The following RUNX1T1 variants were observed in gnomAD, a reference collection of about 807,000 sequenced individuals.
RUNX1T1 encodes the protein protein CBFA2T1.
In RUNX1T1, 4 loss-of-function variants were observed where a neutral mutation model predicts 62.8. The ratio of observed to expected loss-of-function variants is 0.06; its 90% CI spans 0.03 to 0.15. RUNX1T1 has a LOEUF of 0.15. RUNX1T1 is among the 10% of genes least tolerant of loss of function. The probability of loss-of-function intolerance (pLI) is 1.00; values close to 1 mark genes in which losing one functional copy is unlikely to be tolerated. For missense variants in RUNX1T1, 508 were observed against 754.3 expected, an observed-to-expected ratio of 0.67 and a Z score of 3.82; for synonymous variants, 291 against 286.0, an observed-to-expected ratio of 1.02 and a Z score of -0.18.
At chr8:91,977,889 G>C (rs953433061) in intron 8 of RUNX1T1, among the ~76,000 whole-genome samples, 6 of 152,134 alleles carry the variant, frequency 3.9e-5, no homozygotes, top group Admixed American at 2.6e-4. Flanking sequence ...CCCAGGTCAA[G>C]AGAATCTCCT....
chr8:92,063,040 C>T (rs1041915790), upstream of RUNX1T1: 7 of 882,204 alleles, frequency 7.9e-6, no homozygotes, highest in South Asian at 1.5e-4. Flanking sequence ...CCCTACCACC[C>T]CTCACAATAA....
At chr8:91,996,994 G>A (rs546224004) in intron 5 of RUNX1T1, among the ~76,000 whole-genome samples, 2 of 151,828 alleles carry the variant, frequency 1.3e-5, no homozygotes, top group South Asian at 2.1e-4. Flanking sequence ...AGGCATGGTG[G>A]AGCATGCCTG....
chr8:92,015,652 G>A (rs545242815), intron 2 of RUNX1T1, among the ~76,000 whole-genome samples: 7 of 152,164 alleles, frequency 4.6e-5, no homozygotes, highest in East Asian at 3.9e-4. Context: ...AATCTGCATC[G>A]TTTGCATTAA....
At chr8:92,036,678 T>C (rs1423898462) in intron 1 of RUNX1T1, among the ~76,000 whole-genome samples, 1 of 152,184 alleles carries the variant, frequency 6.6e-6, no homozygotes. Context: ...CTTTATCTCC[T>C]TTTTTCTAAA....
chr8:92,069,128 T>C (rs1833302247), intron 2 of RUNX1T1, among the ~76,000 whole-genome samples: 1 of 147,020 alleles, frequency 6.8e-6, no homozygotes, highest in Non-Finnish European at 1.5e-5. Flanking sequence ...CAATATTTAT[T>C]CCCTATTTTT....
chr8:91,982,648 TAG>T lies in RUNX1T1; in HGVS notation c.1198+3474_1198+3475del, dbSNP rs1815592463. Among the ~76,000 whole-genome samples, 4 of 152,302 alleles carry T rather than the reference TAG, an allele frequency of 2.6e-5. No homozygotes were observed. In the South Asian group the frequency reaches 8.3e-4, roughly 32 times the overall value. ...GTATAAATAAGTCATACTTTGAAAA[TAG>T]AGACAGCAGTGTTAAAATTTGCTTT... On this transcript the variant is annotated intron_variant, in intron 8 of 10. Transcript: ENST00000396218.
chr8:92,081,334 G>A (rs1835226537), intron 1 of RUNX1T1: 2 of 652,714 alleles, frequency 3.1e-6, no homozygotes, highest in Admixed American at 6.3e-5. Flanking sequence ...AATTAAATAT[G>A]AAATAAATGA....
exon 6 of RUNX1T1, chr8:91,991,663 G>A (rs1182606866): frequency 6.2e-7 from 1 of 1,614,026 alleles, no homozygotes; most frequent in African/African-American, 1.3e-5. Context: ...CTGTCCCTGA[G>A]GTCCCTGTGG....
intron 1 of RUNX1T1, among the ~76,000 whole-genome samples, chr8:92,020,817 C>T (rs1373192730): frequency 6.7e-6 from 1 of 148,888 alleles, no homozygotes; most frequent in Non-Finnish European, 1.5e-5. Context: ...TGGTATGTTT[C>T]CCATTTCCTT....
In RUNX1T1 at chr8:91,959,422, G is replaced by C. The variant is rs1322866078; in HGVS notation, c.*820C>G. 3.0e-3 allele frequency: 268 copies of C among 88,242 alleles called. 16 individuals carry two copies. Among genetic ancestry groups the C allele is most frequent in the African/African-American group, 0.021 (247 of 11,550 alleles). 5.5% of individuals were successfully genotyped at this position (88,242 alleles called of 1,614,324 possible). A position where few individuals can be genotyped will look rare whatever the true frequency, so the allele number is the denominator to read the frequency against. ...GGCTGAGTCTCTTACTTGTGTGTGT[G>C]TGTGTGTGTGTGTGTGTGTGTGTGT... On this transcript the variant is annotated 3_prime_UTR_variant, in exon 11 of 11. Coordinates refer to ENST00000396218, the Ensembl canonical transcript of RUNX1T1.
At chr8:92,046,878 A>G (rs1178468204) in intron 1 of RUNX1T1, among the ~76,000 whole-genome samples, 1 of 152,190 alleles carries the variant, frequency 6.6e-6, no homozygotes, top group African/African-American at 2.4e-5. Flanking sequence ...AGAAAACACA[A>G]ATTGGATTGG....
At chr8:92,029,959 C>G (rs368160008) in intron 1 of RUNX1T1, among the ~76,000 whole-genome samples, 7 of 152,180 alleles carry the variant, frequency 4.6e-5, no homozygotes, top group African/African-American at 1.7e-4. Context: ...CCGATCAAGT[C>G]ATTCCCCTAT....
At chr8:92,033,417 A>G (rs376987773) in intron 1 of RUNX1T1, among the ~76,000 whole-genome samples, 1 of 152,262 alleles carries the variant, frequency 6.6e-6, no homozygotes, top group East Asian at 1.9e-4. Context: ...AAGGGTACGT[A>G]TAATAATGAT....
chr8:92,043,044 TCC>T (rs1180737146), intron 1 of RUNX1T1, among the ~76,000 whole-genome samples: 1 of 152,174 alleles, frequency 6.6e-6, no homozygotes, highest in African/African-American at 2.4e-5. Context: ...CCTCAGTCTC[TCC>T]TATTTCTCAT....
intron 1 of RUNX1T1, among the ~76,000 whole-genome samples, chr8:92,020,508 A>G (rs1823870927): frequency 6.6e-6 from 1 of 152,096 alleles, no homozygotes; most frequent in Non-Finnish European, 1.5e-5. Context: ...TCTGACATAT[A>G]CTCAAAGACT....
chr8:92,091,824 A>G (rs1378869840), intron 1 of RUNX1T1, among the ~76,000 whole-genome samples: 1 of 152,210 alleles, frequency 6.6e-6, no homozygotes, highest in Non-Finnish European at 1.5e-5. Flanking sequence ...TGTAATCGCA[A>G]ATACTCACAT....
At chr8:92,082,955 G>A (rs1220344922) in intron 1 of RUNX1T1, among the ~76,000 whole-genome samples, 3 of 152,090 alleles carry the variant, frequency 2.0e-5, no homozygotes, top group Non-Finnish European at 4.4e-5. Flanking sequence ...GACAACTGGA[G>A]GGAATCTGGT....
intron 5 of RUNX1T1, among the ~76,000 whole-genome samples, chr8:91,996,908 G>C (rs1276475281): frequency 6.6e-6 from 1 of 151,632 alleles, no homozygotes; most frequent in East Asian, 1.9e-4. Flanking sequence ...GATCACTTGA[G>C]GTCAGGAGCT....
chr8:91,987,659 G>A (rs548875334), intron 6 of RUNX1T1, among the ~76,000 whole-genome samples: 1 of 152,220 alleles, frequency 6.6e-6, no homozygotes, highest in African/African-American at 2.4e-5. Flanking sequence ...CTAATTTGAA[G>A]TCCATGAAAA....
Sources: allele counts gnomAD v4.1 joint callset (sites outside exome capture counted in the v4.1 genomes callset), GRCh38; gene constraint gnomAD v4.1.1; transcripts MANE v1.5; gene names NCBI Gene and HGNC (gene_info 2026-07-23, HGNC 2026-07-21).